The following ADRB3 variants were observed in gnomAD, a reference collection of about 807,000 sequenced individuals.
The protein encoded by ADRB3 is beta-3 adrenergic receptor.
A neutral mutation model predicts 23.8 loss-of-function variants in ADRB3; 33 were observed. The observed-to-expected ratio is 1.38, with a 90% CI of 1.05 to 1.85. The LOEUF is 1.85. Ranked by LOEUF, ADRB3 falls within the 40% of genes most tolerant of loss-of-function variation. The probability of loss-of-function intolerance (pLI) is 0.00; values close to 1 mark genes in which losing one functional copy is unlikely to be tolerated. For synonymous variants in ADRB3, 289 were observed against 273.0 expected, an observed-to-expected ratio of 1.06 and a Z score of -0.58; for missense variants, 600 against 579.6, an observed-to-expected ratio of 1.04 and a Z score of -0.36.
Position 37,966,371 on chromosome 8 carries a change from A to G in ADRB3, c.99T>C (p.Val33=). ...CCCCGGCTAGGGCCGCCTCCCACGG[A>G]ACCCCTGGCAGCCCACTGGTGTTGG... ...NTANTSGLPG[V]PWEAALAGAL... Residue 33 remains valine, a synonymous_variant, in exon 1 of 2, where the codon GTT becomes GTC. Transcript: ENST00000345060. The G allele has an allele frequency of 6.2e-7, 1 of 1,611,066 alleles. No individual in the cohort carries two copies.
At position 37,965,891 on chromosome 8, in the gene ADRB3, C is replaced by T. The variant is rs1360690700; in HGVS notation, c.579G>A (p.Pro193=). The T allele has an allele frequency of 1.3e-6, 2 of 1,552,844 alleles. No homozygotes were observed. Among genetic ancestry groups the T allele is most frequent in the African/African-American group, 1.4e-5 (1 of 73,182 alleles). The change falls in exon 1 of 2, where the codon CCG becomes CCA. Residue 193 remains proline (P), a synonymous_variant. Transcript: ENST00000345060. ...TGTTGGAGGCGAAGGCACAGCAGCG[C>T]GGGTTGGAGTGGCAGCGCTGCGCCT... ...DAEAQRCHSN[P]RCCAFASNMP...
At position 37,963,625 on chromosome 8, in the gene ADRB3, A is replaced by G. The variant is rs1216090387; in HGVS notation, c.*593T>C. 2 of 152,828 alleles carry G rather than the reference A, an allele frequency of 1.3e-5. No homozygotes were observed. The highest frequency in any genetic ancestry group is 4.8e-5 in the African/African-American group (2 of 41,456). The allele number at this position is 152,828 out of a possible 1,614,324, so 9.5% of individuals were successfully genotyped here. ...AAAGGAAAAGAAGGGATCTGTTCTA[A>G]TGGTTCACCTTCTTATGAACCCTGG... On this transcript the variant is annotated 3_prime_UTR_variant, in exon 2 of 2. Transcript: ENST00000345060.
At chr8:37,964,262 T>C (rs760888527) in intron 1 of ADRB3, 23 bp from the exon 2 acceptor site, 5 of 1,610,408 alleles carry the variant, frequency 3.1e-6, no homozygotes, top group East Asian at 2.2e-5. Context: ...GTGGAGATAA[T>C]AGACCCTGGG....
chr8:37,965,847 G>A lies in ADRB3; in HGVS notation c.623C>T (p.Ser208Phe). The change falls in exon 1 of 2, where the codon TCC (serine) becomes TTC (phenylalanine). Residue 208 changes from serine to phenylalanine, a missense_variant. Transcript: ENST00000345060. Reference protein sequence around the residue: ...FASNMPYVLLSSSVSFYLPLL... With the variant: ...FASNMPYVLLFSSVSFYLPLL... ...AGGAAGGTAGAAGGAGACGGAGGAGGACAGCAGCACGTAGGGCATGTTGGA... is the reference window on the plus strand; with the variant it reads ...AGGAAGGTAGAAGGAGACGGAGGAGAACAGCAGCACGTAGGGCATGTTGGA... 6.4e-7 allele frequency: 1 copy of A among 1,553,632 alleles called. No individual in the cohort carries two copies. The highest frequency in any genetic ancestry group is 8.7e-7 in the Non-Finnish European group (1 of 1,147,882).
intron 1 of ADRB3, 49 bp from the exon 2 acceptor site, chr8:37,964,288 G>C (rs1259694305): frequency 2.6e-6 from 4 of 1,516,304 alleles, no homozygotes; most frequent in Non-Finnish European, 3.7e-6. Flanking sequence ...AGGAGCAACA[G>C]GTGCACTGAG....
rs142308127 is a variant in ADRB3, at chr8:37,964,824, C to T, written c.1205+441G>A. On this transcript the variant is annotated intron_variant, in intron 1 of 1. Coordinates refer to ENST00000345060, the MANE Select transcript of ADRB3 (RefSeq NM_000025.3). ...GGGCTCGCCTGTAGTCCCAGATACT[C>T]AGGAGGCTGAGGTGGGAGGATCGCT... The T allele has an allele frequency of 9.0e-4, 154 of 171,438 alleles. 1 individual carries two copies. Among genetic ancestry groups the T allele is most frequent in the Middle Eastern group, 5.2e-3 (2 of 384 alleles). The allele number at this position is 171,438 out of a possible 1,614,324, so 10.6% of individuals were successfully genotyped here. A position where few individuals can be genotyped will look rare whatever the true frequency, so the allele number is the denominator to read the frequency against.
At position 37,966,126 on chromosome 8, in the gene ADRB3, G is replaced by C. The variant is rs1474193791; in HGVS notation, c.344C>G (p.Ser115Trp). Residue 115 changes from serine (S) to tryptophan (W), a missense_variant, in exon 1 of 2, where the codon TCG (serine) becomes TGG (tryptophan). Transcript: ENST00000345060. Reference sequence around the variant, plus strand: ...GGCGGTCACACACAGCACGTCCACCGAGGTCCACAGCTCGCAGCCAGTGGC... The same window carrying C: ...GGCGGTCACACACAGCACGTCCACCCAGGTCCACAGCTCGCAGCCAGTGGC... ...LGATGCELWT[S>W]VDVLCVTASI... 6.2e-7 allele frequency: 1 copy of C among 1,611,310 alleles called. No homozygotes were observed. The highest frequency in any genetic ancestry group is 8.5e-7 in the Non-Finnish European group (1 of 1,179,122).
rs981709598 is a variant in ADRB3, at chr8:37,966,577, G to A, written c.-108C>T. ...GGCATGAGAGCGACTTCCCCAGCCT[G>A]GGCCATCTTCTCTAGCTGTCCCAGC... On this transcript the variant is annotated 5_prime_UTR_variant, in exon 1 of 2. An upstream open reading frame in the 5' UTR gains an earlier in-frame stop. Transcript: ENST00000345060. 11 of 1,452,706 alleles carry A rather than the reference G, an allele frequency of 7.6e-6. No individual in the cohort carries two copies. Among genetic ancestry groups the A allele is most frequent in the African/African-American group, 5.7e-5 (4 of 69,922 alleles). 90.0% of individuals were successfully genotyped at this position (1,452,706 alleles called of 1,614,324 possible). A position where few individuals can be genotyped will look rare whatever the true frequency, so the allele number is the denominator to read the frequency against.
At position 37,966,006 on chromosome 8, in the gene ADRB3, C is replaced by G. The variant is rs757535525; in HGVS notation, c.464G>C (p.Arg155Pro). ...GACCCACACCAGGACCACAGCTGTC[C>G]GGGCGCAGCGCTTGGTGACCAGTGC... ...YGALVTKRCA[R>P]TAVVLVWVVS... The change falls in exon 1 of 2, where the codon CGG becomes CCG. Residue 155 changes from arginine (R) to proline (P), a missense_variant. Transcript: ENST00000345060. 2.5e-6 allele frequency: 4 copies of G among 1,574,120 alleles called. No homozygotes were observed. In the African/African-American group the frequency reaches 4.1e-5, roughly 16 times the overall value.
chr8:37,965,343 C>G lies in ADRB3; in HGVS notation c.1127G>C (p.Arg376Pro). 6.5e-7 allele frequency: 1 copy of G among 1,542,552 alleles called. No individual in the cohort carries two copies. Among genetic ancestry groups the G allele is most frequent in the Non-Finnish European group, 8.7e-7 (1 of 1,144,788 alleles). Residue 376 changes from arginine (R) to proline (P), a missense_variant, in exon 1 of 2, where the codon CGC becomes CCC. Arg to Pro is a moderately radical substitution (Grantham distance 103). Transcript: ENST00000345060. ...AACGCCCGAGGGGAAGAGGGCCGGG[C>G]GGGCGGCGGCGCAGGGCTCCGGAGG... Reference protein sequence around the residue: ...RLPPEPCAAARPALFPSGVPA... With the variant: ...RLPPEPCAAAPPALFPSGVPA...
At position 37,966,331 on chromosome 8, in the gene ADRB3, C is replaced by T; in HGVS notation, c.139G>A (p.Ala47Thr). The part of the protein sequence containing the change: ...AALAGALLAL[A>T]VLATVGGNLL... ...TTGCCTCCCACGGTGGCCAGCACCG[C>T]CAGCGCCAGCAGGGCCCCGGCTAGG... The change falls in exon 1 of 2, where the codon GCG (alanine) becomes ACG (threonine). Residue 47 changes from alanine (A) to threonine (T), a missense_variant. Ala to Thr is a moderately conservative substitution (Grantham distance 58). Coordinates refer to ENST00000345060, the MANE Select transcript of ADRB3 (RefSeq NM_000025.3). 1 of 1,613,300 alleles carries T rather than the reference C, an allele frequency of 6.2e-7. No homozygotes were observed. The highest frequency in any genetic ancestry group is 1.1e-5 in the South Asian group (1 of 91,022).
rs1330238726 is a variant in ADRB3 at position 37,963,816 on chromosome 8, A to G, written c.*402T>C. 3 of 174,262 alleles carry G rather than the reference A, an allele frequency of 1.7e-5. No homozygotes were observed. Among genetic ancestry groups the G allele is most frequent in the Admixed American group, 6.2e-5 (1 of 16,234 alleles). 10.8% of individuals were successfully genotyped at this position (174,262 alleles called of 1,614,324 possible). Reference sequence around the variant, plus strand: ...TACCCTGCTGCTCTCAGCCTGGGCCACAGAGCCTGGAGAACACTAAGGTCT... The same window carrying G: ...TACCCTGCTGCTCTCAGCCTGGGCCGCAGAGCCTGGAGAACACTAAGGTCT... On this transcript the variant is annotated 3_prime_UTR_variant, in exon 2 of 2. Coordinates refer to ENST00000345060, the MANE Select transcript of ADRB3 (RefSeq NM_000025.3).
At position 37,965,570 on chromosome 8, in the gene ADRB3, G is replaced by A. The variant is rs1297813014; in HGVS notation, c.900C>T (p.Thr300=). 14 of 1,550,152 alleles carry A rather than the reference G, an allele frequency of 9.0e-6. No individual in the cohort carries two copies. The Admixed American group carries it at 2.5e-4, about 28-fold the overall frequency. ...AGAAGGGCAACCAGCAGAGAGTGAA[G>A]GTGCCCATGATGAGACCCAAGGTGC... The part of the protein sequence containing the change: ...ALCTLGLIMG[T]FTLCWLPFFL... Residue 300 remains threonine (T), a synonymous_variant, in exon 1 of 2, where the codon ACC becomes ACT. Transcript: ENST00000345060.
In ADRB3 at chr8:37,965,810, C is replaced by T; in HGVS notation, c.660G>A (p.Met220Ile). 2 of 1,552,524 alleles carry T rather than the reference C, an allele frequency of 1.3e-6. No homozygotes were observed. Among genetic ancestry groups the T allele is most frequent in the Non-Finnish European group, 1.7e-6 (2 of 1,147,340 alleles). ...SVSFYLPLLVMLFVYARVFVV... is the reference protein window; with the variant it reads ...SVSFYLPLLVILFVYARVFVV... ...CGAAAACCCGCGCGTAGACGAAGAG[C>T]ATCACGAGAAGAGGAAGGTAGAAGG... The change falls in exon 1 of 2, where the codon ATG becomes ATA. Residue 220 changes from methionine to isoleucine, a missense_variant. Coordinates refer to ENST00000345060, the MANE Select transcript of ADRB3 (RefSeq NM_000025.3).
At position 37,966,420 on chromosome 8, in the gene ADRB3, A is replaced by C; in HGVS notation, c.50T>G (p.Leu17Arg). The C allele has an allele frequency of 3.7e-6, 6 of 1,607,758 alleles. No homozygotes were observed. Among genetic ancestry groups the C allele is most frequent in the Non-Finnish European group, 5.1e-6 (6 of 1,178,394 alleles). ...GGCGGTATTGGGCGCCAGGGTGGGG[A>C]GGTCCGGCCATGGGGCAAGAGAGCT... Reference protein sequence around the residue: ...ENSSLAPWPDLPTLAPNTANT... With the variant: ...ENSSLAPWPDRPTLAPNTANT... Residue 17 changes from leucine to arginine, a missense_variant, in exon 1 of 2, where the codon CTC (leucine) becomes CGC (arginine). Physicochemically the swap from Leu to Arg is moderately radical, Grantham distance 102 (BLOSUM62 -2). Transcript: ENST00000345060.
Position 37,964,213 on chromosome 8 carries a change from C to T in ADRB3, c.*5G>A, listed in dbSNP as rs1290408425. 10 of 1,613,504 alleles carry T rather than the reference C, an allele frequency of 6.2e-6. No homozygotes were observed. In the South Asian group the frequency reaches 9.9e-5, roughly 16 times the overall value. ...AACAGAGTTGTTGCTTCTTGTCCTT[C>T]AGGCCTAAGAAACTCCCCAAGAAGC... is the stretch of plus-strand genomic sequence containing the variant. On this transcript the variant is annotated 3_prime_UTR_variant, in exon 2 of 2. Transcript: ENST00000345060.
rs1309695414 is a variant in ADRB3 at position 37,966,494 on chromosome 8, G to A, written c.-25C>T. The A allele has an allele frequency of 6.4e-7, 1 of 1,557,982 alleles. No homozygotes were observed. On this transcript the variant is annotated 5_prime_UTR_variant, in exon 1 of 2. Transcript: ENST00000345060. ...TCCCCGGGTCGCGCGTGGGGCGGTA[G>A]GGAAAGAAGGAAGGAGGGGGTCTCC... is the stretch of plus-strand genomic sequence containing the variant.
At chr8:37,965,158 G>T in intron 1 of ADRB3, 107 bp downstream of exon 1, 1 of 1,165,098 alleles carries the variant, frequency 8.6e-7, no homozygotes, top group Non-Finnish European at 1.1e-6. Context: ...TCCAAGCAAA[G>T]CCATCCCACC....
In ADRB3 at chr8:37,966,471, C is replaced by A. The variant is rs965476467; in HGVS notation, c.-2G>T. 1.9e-6 allele frequency: 3 copies of A among 1,587,770 alleles called. No homozygotes were observed. Among genetic ancestry groups the A allele is most frequent in the Non-Finnish European group, 2.6e-6 (3 of 1,171,026 alleles). ...GTTCTCGTGAGGCCACGGAGCCATC[C>A]CCGGGTCGCGCGTGGGGCGGTAGGG... On this transcript the variant is annotated 5_prime_UTR_variant, in exon 1 of 2. Transcript: ENST00000345060.
Sources: allele counts gnomAD v4.1 joint callset, GRCh38; gene constraint gnomAD v4.1.1; transcripts MANE v1.5; gene names NCBI Gene and HGNC (gene_info 2026-07-23, HGNC 2026-07-21).